Variants in ERC1 observed in about 807,000 individuals in gnomAD.
ERC1 encodes the protein ELKS/RAB6-interacting/CAST family member 1, also known as RAB6 interacting protein 2.
A neutral mutation model predicts 132.0 loss-of-function variants in ERC1; 56 were observed. That is an observed-to-expected ratio of 0.42 (90% CI 0.34 to 0.53). The LOEUF (loss-of-function observed/expected upper bound fraction) is 0.53, where lower values mean the gene tolerates loss of function less well. ERC1 is among the 20% of genes least tolerant of loss of function. The pLI, the probability that ERC1 is intolerant of heterozygous loss-of-function variation, is 0.03. For synonymous variants in ERC1, 478 were observed against 476.1 expected, an observed-to-expected ratio of 1.00 and a Z score of -0.05; for missense variants, 1,202 against 1,349.9, an observed-to-expected ratio of 0.89 and a Z score of 1.72.
chr12:1,288,138 G>A (rs1234191664), intron 14 of ERC1, among the ~76,000 whole-genome samples: 1 of 152,162 alleles, frequency 6.6e-6, no homozygotes, highest in Non-Finnish European at 1.5e-5. Context: ...ATAGCTTGGT[G>A]TATTATTTGT....
At chr12:1,162,493 T>C (rs1951973833) in intron 8 of ERC1, among the ~76,000 whole-genome samples, 1 of 152,020 alleles carries the variant, frequency 6.6e-6, no homozygotes, top group South Asian at 2.1e-4. Context: ...GTTTGTTTTT[T>C]TTTTTTGTCC....
intron 18 of ERC1, among the ~76,000 whole-genome samples, chr12:1,466,042 ATGG>A (rs1251933259): frequency 6.6e-6 from 1 of 152,142 alleles, no homozygotes; most frequent in Admixed American, 6.5e-5. Context: ...CTGATATGAA[ATGG>A]TGGTTAGGTC....
In ERC1 at chr12:1,083,600, GT is replaced by G. The variant is rs1565933158; in HGVS notation, c.1086+24del. ...AGAGAGGTATGTGACTACTTTTTTAGTTTTATGATTTGTTGGTTATCTTTTT... is the reference window on the plus strand; with the variant it reads ...AGAGAGGTATGTGACTACTTTTTTAGTTTATGATTTGTTGGTTATCTTTTT... On this transcript the variant is annotated intron_variant, in intron 3 of 18. Coordinates refer to ENST00000360905, the MANE Select transcript of ERC1 (RefSeq NM_178040.4). 1.3e-6 allele frequency: 2 copies of G among 1,548,328 alleles called. No homozygotes were observed. The highest frequency in any genetic ancestry group is 1.7e-6 in the Non-Finnish European group (2 of 1,150,814).
At chr12:1,300,118 A>G (rs1594856230) in intron 15 of ERC1, among the ~76,000 whole-genome samples, 3 of 152,330 alleles carry the variant, frequency 2.0e-5, no homozygotes, top group South Asian at 4.1e-4. Flanking sequence ...TAAAGCAGAC[A>G]CACAGAGCAA....
At chr12:1,260,097 T>C (rs7304351) in intron 13 of ERC1, among the ~76,000 whole-genome samples, 23,139 of 152,144 alleles carry the variant, frequency 0.15, 2,663 homozygotes, top group African/African-American at 0.31. Flanking sequence ...TTCATTTTCA[T>C]AGAGTATACC....
chr12:1,304,779 C>CATTTTTTTTT (rs2080713289), intron 15 of ERC1, among the ~76,000 whole-genome samples: 1 of 70,070 alleles, frequency 1.4e-5, no homozygotes, highest in Non-Finnish European at 2.8e-5. Flanking sequence ...TGTTGTAACT[C>CATTTTTTTTT]TTTTTTTTTT....
intron 14 of ERC1, among the ~76,000 whole-genome samples, chr12:1,281,167 G>A (rs957493810): frequency 1.3e-5 from 2 of 151,996 alleles, no homozygotes; most frequent in Non-Finnish European, 2.9e-5. Flanking sequence ...TCCCTACATG[G>A]TCTGTTTTGT....
intron 2 of ERC1, among the ~76,000 whole-genome samples, chr12:1,067,822 A>G (rs1462122768): frequency 6.6e-6 from 1 of 151,996 alleles, no homozygotes; most frequent in Non-Finnish European, 1.5e-5. Context: ...ATTTATCATG[A>G]TCATGTATGA....
intron 13 of ERC1, among the ~76,000 whole-genome samples, chr12:1,247,949 T>G (rs1017936796): frequency 6.6e-6 from 1 of 152,110 alleles, no homozygotes; most frequent in Admixed American, 6.6e-5. Flanking sequence ...TGAGCCGAGA[T>G]CATGCAACTG....
At chr12:1,115,715 A>C (rs1054439796) in intron 6 of ERC1, 151 bp from the exon 7 acceptor site, 1 of 617,114 alleles carries the variant, frequency 1.6e-6, no homozygotes, top group Non-Finnish European at 2.7e-6. Context: ...GGGAGATCCA[A>C]GGTTATGTCA....
chr12:1,311,665 G>C (rs1421742775), intron 15 of ERC1, among the ~76,000 whole-genome samples: 1 of 152,056 alleles, frequency 6.6e-6, no homozygotes, highest in East Asian at 1.9e-4. Flanking sequence ...TTTTAGACCA[G>C]AAATTCTTGG....
chr12:1,420,931 G>A (rs116362618), intron 17 of ERC1, among the ~76,000 whole-genome samples: 3,775 of 138,578 alleles, frequency 0.027, 152 homozygotes, highest in African/African-American at 0.069. Context: ...GGGGGGGGGG[G>A]GGTTAATTAT....
At chr12:1,361,139 G>T (rs528017387) in intron 15 of ERC1, among the ~76,000 whole-genome samples, 10 of 150,024 alleles carry the variant, frequency 6.7e-5, no homozygotes, top group Non-Finnish European at 1.2e-4. Flanking sequence ...AAGATGAATG[G>T]AAGATACTCA....
At chr12:1,489,950 T>G in intron 18 of ERC1, 143 bp from the exon 19 acceptor site, 1 of 952,150 alleles carries the variant, frequency 1.1e-6, no homozygotes, top group East Asian at 2.5e-5. Context: ...TGATATTTGC[T>G]TTTACACTTT....
intron 1 of ERC1, among the ~76,000 whole-genome samples, chr12:997,670 G>A (rs1262093585): frequency 1.8e-4 from 27 of 152,170 alleles, no homozygotes; most frequent in Admixed American, 1.8e-3. Flanking sequence ...AGAGGTTGAA[G>A]ACTGTGCTGC....
intron 16 of ERC1, among the ~76,000 whole-genome samples, chr12:1,407,518 C>A (rs777137477): frequency 9.2e-4 from 138 of 149,428 alleles, no homozygotes; most frequent in Non-Finnish European, 1.5e-3. Context: ...GAGACCCTGT[C>A]TCTTTATTTT....
intron 15 of ERC1, among the ~76,000 whole-genome samples, chr12:1,366,402 T>C (rs1175543595): frequency 2.0e-5 from 3 of 152,174 alleles, no homozygotes; most frequent in Non-Finnish European, 4.4e-5. Context: ...ACTATGTAAG[T>C]GCTGAAAGGA....
At chr12:1,445,052 T>G in intron 18 of ERC1, 1 of 277,620 alleles carries the variant, frequency 3.6e-6, no homozygotes, top group South Asian at 7.3e-5. Context: ...ATGTTTCTCA[T>G]GTACAACATG....
At chr12:1,415,744 G>T (rs2092087292) in intron 17 of ERC1, among the ~76,000 whole-genome samples, 1 of 152,174 alleles carries the variant, frequency 6.6e-6, no homozygotes. Flanking sequence ...CTTTTGATAT[G>T]ACAGACAAGG....
Sources: allele counts gnomAD v4.1 joint callset (sites outside exome capture counted in the v4.1 genomes callset), GRCh38; gene constraint gnomAD v4.1.1; transcripts MANE v1.5; gene names NCBI Gene and HGNC (gene_info 2026-07-23, HGNC 2026-07-21).